Variants in TNIP3 observed in about 807,000 individuals in gnomAD.
TNIP3 encodes TNFAIP3-interacting protein 3.
A neutral mutation model predicts 54.1 loss-of-function variants in TNIP3; 34 were observed. The observed-to-expected ratio is 0.63, with a 90% confidence interval of 0.48 to 0.84. The LOEUF (loss-of-function observed/expected upper bound fraction) is 0.84. Ranked by LOEUF, TNIP3 falls within the 40% of genes least tolerant of loss-of-function variation. The pLI, the probability that TNIP3 is intolerant of heterozygous loss-of-function variation, is 0.00. For missense variants in TNIP3, 366 were observed against 387.6 expected (o/e 0.94, Z 0.47); for synonymous variants, 134 against 136.8 (o/e 0.98, Z 0.14).
intron 10 of TNIP3, among the ~76,000 whole-genome samples, chr4:121,133,300 G>C (rs1017371449): frequency 3.9e-5 from 6 of 152,124 alleles, no homozygotes; most frequent in Non-Finnish European, 7.4e-5. Flanking sequence ...TTTTGTACTT[G>C]TTGTCCTCAT....
chr4:121,225,030 T>C (rs947736019), intron 1 of TNIP3, among the ~76,000 whole-genome samples: 1 of 152,224 alleles, frequency 6.6e-6, no homozygotes, highest in Non-Finnish European at 1.5e-5. Context: ...AAATTTAAGA[T>C]GTAATTGAAA....
chr4:121,173,614 T>G (rs1158683209), intron 3 of TNIP3, among the ~76,000 whole-genome samples: 1 of 152,188 alleles, frequency 6.6e-6, no homozygotes, highest in Non-Finnish European at 1.5e-5. Flanking sequence ...ATGTGTTGAC[T>G]TCACCTTCAT....
Position 121,148,471 on chromosome 4 carries a change from G to A in TNIP3, c.610-1297C>T, listed in dbSNP as rs17051295. ...CTTGCATGTGGTGTACCTTATATGC[G>A]AGTTCCGAAGATGTCAAGTGTTTTG... On this transcript the variant is annotated intron_variant, in intron 6 of 10. Coordinates refer to ENST00000057513, the MANE Select transcript of TNIP3 (RefSeq NM_024873.6). Among the ~76,000 whole-genome samples the A allele has an allele frequency of 5.9e-3, 891 of 152,298 alleles. 13 individuals are homozygous for A. The highest frequency in any genetic ancestry group is 0.02 in the African/African-American group (851 of 41,546).
At chr4:121,157,354 C>T (rs1730179968) in intron 3 of TNIP3, 111 bp from the exon 4 acceptor site, 2 of 1,387,806 alleles carry the variant, frequency 1.4e-6, no homozygotes, top group Non-Finnish European at 2.0e-6. Context: ...CCAGGACGTC[C>T]CCTAAGGAGA....
intron 10 of TNIP3, among the ~76,000 whole-genome samples, chr4:121,135,225 C>A (rs1322015471): frequency 6.6e-6 from 1 of 152,140 alleles, no homozygotes; most frequent in Non-Finnish European, 1.5e-5. Flanking sequence ...TATACTTTAA[C>A]AGTTTCTATG....
intron 3 of TNIP3, among the ~76,000 whole-genome samples, chr4:121,169,930 A>G (rs528935321): frequency 9.1e-4 from 139 of 152,300 alleles, no homozygotes; most frequent in Non-Finnish European, 1.6e-3. Context: ...GGCACATCAG[A>G]TACATTAGAA....
chr4:121,191,613 C>T (rs565197378), intron 2 of TNIP3, among the ~76,000 whole-genome samples: 1 of 152,278 alleles, frequency 6.6e-6, no homozygotes, highest in South Asian at 2.1e-4. Context: ...TCTCTCAAAT[C>T]GCTACCTGAA....
At chr4:121,220,590 TG>T (rs1726987535), upstream of TNIP3, among the ~76,000 whole-genome samples, 1 of 152,188 alleles carries the variant, frequency 6.6e-6, no homozygotes, top group Non-Finnish European at 1.5e-5. Context: ...ACTGAAACAA[TG>T]TTTTTTTTTA....
intron 3 of TNIP3, among the ~76,000 whole-genome samples, chr4:121,173,072 G>A (rs896987893): frequency 6.6e-6 from 1 of 152,150 alleles, no homozygotes; most frequent in East Asian, 1.9e-4. Context: ...CAAGTGGGTG[G>A]CTGAACCCAT....
chr4:121,163,195 T>C (rs890262979), intron 1 of TNIP3, among the ~76,000 whole-genome samples: 1 of 152,150 alleles, frequency 6.6e-6, no homozygotes, highest in Admixed American at 6.5e-5. Context: ...TGACTAGGAA[T>C]GGCATGTAAG....
chr4:121,198,200 T>C (rs1314997732), intron 2 of TNIP3, among the ~76,000 whole-genome samples: 1 of 152,112 alleles, frequency 6.6e-6, no homozygotes, highest in Non-Finnish European at 1.5e-5. Flanking sequence ...ATGACATTTT[T>C]AGGACTTTTC....
At chr4:121,226,614 A>G (rs1191208884) in intron 1 of TNIP3, among the ~76,000 whole-genome samples, 1 of 152,214 alleles carries the variant, frequency 6.6e-6, no homozygotes, top group Non-Finnish European at 1.5e-5. Flanking sequence ...CGGTTAAGCC[A>G]GAAAGCAAAT....
chr4:121,168,574 G>A (rs1730899691), upstream of TNIP3, among the ~76,000 whole-genome samples: 1 of 148,816 alleles, frequency 6.7e-6, no homozygotes, highest in Admixed American at 6.7e-5. Context: ...AGGCTGGAGT[G>A]CAGTGGTACA....
At chr4:121,143,134 C>A (rs1468044638) in intron 7 of TNIP3, among the ~76,000 whole-genome samples, 1 of 152,194 alleles carries the variant, frequency 6.6e-6, no homozygotes, top group Non-Finnish European at 1.5e-5. Context: ...TGCACTTAAT[C>A]CATGTCAGAA....
At chr4:121,178,988 C>T (rs1450297754) in intron 3 of TNIP3, among the ~76,000 whole-genome samples, 1 of 152,116 alleles carries the variant, frequency 6.6e-6, no homozygotes, top group Non-Finnish European at 1.5e-5. Context: ...TAGGACAAAG[C>T]AGGGAGGGGG....
intron 6 of TNIP3, 130 bp downstream of exon 6, chr4:121,149,973 T>C (rs1729647324): frequency 1.6e-6 from 1 of 622,734 alleles, no homozygotes; most frequent in African/African-American, 1.8e-5. Context: ...GAAAATTAGA[T>C]AATTCTACTT....
At chr4:121,222,135 A>C (rs1727050571) in intron 1 of TNIP3, among the ~76,000 whole-genome samples, 1 of 152,138 alleles carries the variant, frequency 6.6e-6, no homozygotes. Flanking sequence ...GGATTTTTGC[A>C]ATGTTGCTAT....
At position 121,158,237 on chromosome 4, in the gene TNIP3, A is replaced by G. The variant is rs147532240; in HGVS notation, c.213+450T>C. Among the ~76,000 whole-genome samples, 423 of 152,266 alleles carry G rather than the reference A, an allele frequency of 2.8e-3. 2 individuals are homozygous for G. Among genetic ancestry groups the G allele is most frequent in the African/African-American group, 9.4e-3 (391 of 41,554 alleles). On this transcript the variant is annotated intron_variant, in intron 3 of 10. Transcript: ENST00000057513. ...AGGAGGTTGCTCCATTTTTACTCAC[A>G]TTTTCACTGTTACCACCATTTGTTT... is the stretch of plus-strand genomic sequence containing the variant.
rs17434881 is a variant in TNIP3, at chr4:121,185,646, A to G, written c.69-2850T>C. 6.5e-3 allele frequency among the ~76,000 whole-genome samples: 988 copies of G among 152,334 alleles called. 6 individuals carry two copies. Among genetic ancestry groups the G allele is most frequent in the Middle Eastern group, 0.01 (3 of 294 alleles). The stretch of plus-strand genomic sequence containing the variant: ...TCAAAATACCTAATTATTAACTCAA[A>G]TCTAACCAATAAATTAAGTGCTTAC... On this transcript the variant is annotated intron_variant, in intron 2 of 12. Coordinates refer to the TNIP3 transcript ENST00000507879.
Sources: allele counts gnomAD v4.1 joint callset (sites outside exome capture counted in the v4.1 genomes callset), GRCh38; gene constraint gnomAD v4.1.1; transcripts MANE v1.5; gene names NCBI Gene and HGNC (gene_info 2026-07-23, HGNC 2026-07-21).